The following B3GALT1 variants were observed in gnomAD, a reference collection of about 807,000 sequenced individuals.
B3GALT1 encodes the protein beta-1,3-galactosyltransferase 1.
Under a neutral mutation model 23.2 loss-of-function variants are expected in B3GALT1, and 10 were observed. The ratio of observed to expected loss-of-function variants is 0.43; its 90% CI spans 0.27 to 0.73. B3GALT1 has a LOEUF of 0.73. Among genes scored for constraint, B3GALT1 ranks in the 30% least tolerant of loss-of-function variants. The pLI is 0.21. For synonymous variants in B3GALT1, 156 were observed against 141.5 expected (o/e 1.10, Z -0.73); for missense variants, 299 against 405.4 (o/e 0.74, Z 2.25).
rs576383865 is a variant in B3GALT1 at position 167,650,488 on chromosome 2, C to T, written c.-352+3522C>T. Among the ~76,000 whole-genome samples, 33 of 151,756 alleles carry T rather than the reference C, an allele frequency of 2.2e-4. No homozygotes were observed. The Middle Eastern group carries it at 0.014, about 63-fold the overall frequency. ...ATATGTCATATTGGTCTGTAGTTTT[C>T]CTTTTTTGTGATGTCTTTATCTGGC... On this transcript the variant is annotated intron_variant, in intron 3 of 4. Transcript: ENST00000392690.
At chr2:167,480,378 C>T (rs1274673641) in intron 1 of B3GALT1, among the ~76,000 whole-genome samples, 1 of 152,180 alleles carries the variant, frequency 6.6e-6, no homozygotes, top group Non-Finnish European at 1.5e-5. Flanking sequence ...CAGCAGCCTG[C>T]GAGGCTAGAA....
At chr2:167,472,675 G>A (rs374915639) in intron 1 of B3GALT1, among the ~76,000 whole-genome samples, 20 of 152,114 alleles carry the variant, frequency 1.3e-4, no homozygotes, top group South Asian at 2.1e-4. Flanking sequence ...TGAATGTTCC[G>A]TGCTCTTCCT....
At chr2:167,743,423 T>A (rs1364253624) in intron 3 of B3GALT1, among the ~76,000 whole-genome samples, 1 of 152,130 alleles carries the variant, frequency 6.6e-6, no homozygotes, top group African/African-American at 2.4e-5. Flanking sequence ...AAGAAAACAA[T>A]AGAATATTTA....
intron 4 of B3GALT1, among the ~76,000 whole-genome samples, chr2:167,833,585 G>A (rs180708432): frequency 2.5e-4 from 38 of 152,244 alleles, no homozygotes; most frequent in Admixed American, 6.5e-4. Flanking sequence ...GAAAAACTAC[G>A]CGTGATGTAA....
intron 1 of B3GALT1, among the ~76,000 whole-genome samples, chr2:167,447,866 G>C (rs574306146): frequency 9.4e-4 from 143 of 152,206 alleles, no homozygotes; most frequent in Middle Eastern, 3.4e-3. Flanking sequence ...TGCATCCACT[G>C]TCTGACAAGC....
intron 1 of B3GALT1, among the ~76,000 whole-genome samples, chr2:167,466,879 ATT>A (rs567975404): frequency 5.6e-4 from 48 of 85,034 alleles, no homozygotes; most frequent in South Asian, 3.7e-3. Flanking sequence ...CGCCTGGCTA[ATT>A]TTTTTTTTTT....
chr2:167,443,995 G>A (rs945780665), intron 1 of B3GALT1, among the ~76,000 whole-genome samples: 1 of 152,138 alleles, frequency 6.6e-6, no homozygotes, highest in African/African-American at 2.4e-5. Context: ...TATGATATTG[G>A]CTGTGGGTTT....
chr2:167,385,720 G>A (rs142500187), intron 1 of B3GALT1, among the ~76,000 whole-genome samples: 83 of 152,288 alleles, frequency 5.5e-4, no homozygotes, highest in African/African-American at 1.8e-3. Context: ...AGATGCTGCC[G>A]TATTAGACAC....
chr2:167,476,048 T>A (rs1258526691), intron 1 of B3GALT1, among the ~76,000 whole-genome samples: 1 of 152,176 alleles, frequency 6.6e-6, no homozygotes, highest in Non-Finnish European at 1.5e-5. Context: ...CAGAATGACC[T>A]CATCTTAACA....
chr2:167,580,815 A>C (rs1248447762), intron 2 of B3GALT1, among the ~76,000 whole-genome samples: 1 of 152,164 alleles, frequency 6.6e-6, no homozygotes, highest in Non-Finnish European at 1.5e-5. Flanking sequence ...AGAGTAAGAG[A>C]TCTTTCTAGG....
intron 3 of B3GALT1, among the ~76,000 whole-genome samples, chr2:167,712,468 T>C (rs1562644): frequency 0.66 from 99,937 of 150,900 alleles, 36,632 homozygotes; most frequent in Non-Finnish European, 0.85. Flanking sequence ...CACAGCCAGA[T>C]GGCAGCCTGG....
intron 1 of B3GALT1, among the ~76,000 whole-genome samples, chr2:167,463,149 A>G (rs1699290948): frequency 6.6e-6 from 1 of 151,994 alleles, no homozygotes; most frequent in Non-Finnish European, 1.5e-5. Context: ...TCTGATAACT[A>G]TTATAGTTAT....
intron 1 of B3GALT1, among the ~76,000 whole-genome samples, chr2:167,472,514 C>T (rs1347293388): frequency 6.6e-6 from 1 of 152,256 alleles, no homozygotes; most frequent in East Asian, 1.9e-4. Context: ...CTTGGTAGCT[C>T]TTAGCCTGTA....
chr2:167,484,326 T>G (rs1699596300), intron 1 of B3GALT1, among the ~76,000 whole-genome samples: 1 of 152,150 alleles, frequency 6.6e-6, no homozygotes, highest in Non-Finnish European at 1.5e-5. Flanking sequence ...ATAAAGTATT[T>G]AAAAAGGTTT....
At chr2:167,589,270 G>A (rs1295886363) in intron 2 of B3GALT1, among the ~76,000 whole-genome samples, 1 of 152,088 alleles carries the variant, frequency 6.6e-6, no homozygotes, top group Non-Finnish European at 1.5e-5. Context: ...AAATATGTTA[G>A]ATATGTTTCT....
At chr2:167,847,577 A>T (rs974824669) in intron 4 of B3GALT1, among the ~76,000 whole-genome samples, 1 of 152,216 alleles carries the variant, frequency 6.6e-6, no homozygotes, top group Non-Finnish European at 1.5e-5. Context: ...CCTCTGGAAT[A>T]CAGCAAAAAC....
chr2:167,439,734 C>T (rs1698847293), intron 1 of B3GALT1, among the ~76,000 whole-genome samples: 1 of 151,974 alleles, frequency 6.6e-6, no homozygotes, highest in Non-Finnish European at 1.5e-5. Flanking sequence ...AACATCTAAT[C>T]ACTATCTATT....
intron 3 of B3GALT1, among the ~76,000 whole-genome samples, chr2:167,817,994 C>T (rs987179334): frequency 2.6e-5 from 4 of 152,098 alleles, no homozygotes; most frequent in African/African-American, 9.7e-5. Context: ...CCAGCTGTGC[C>T]GTGAATGAAC....
chr2:167,335,532 G>A (rs566323453), intron 1 of B3GALT1, among the ~76,000 whole-genome samples: 25 of 152,292 alleles, frequency 1.6e-4, no homozygotes, highest in African/African-American at 5.3e-4. Context: ...TAAACAAGGG[G>A]TGGATTATTC....
Sources: gnomAD v4.1 joint callset for allele counts (sites outside exome capture counted in the v4.1 genomes callset) on GRCh38, gnomAD v4.1.1 for gene constraint, MANE v1.5 for transcripts, NCBI Gene and HGNC (gene_info 2026-07-23, HGNC 2026-07-21) for gene names.